The following TG variants were observed in gnomAD, a reference collection of about 807,000 sequenced individuals.
TG encodes thyroglobulin.
Under a neutral mutation model 324.7 loss-of-function variants are expected in TG, and 270 were observed. The ratio of observed to expected loss-of-function variants is 0.83; its 90% CI spans 0.75 to 0.92. TG has a LOEUF of 0.92. Among genes scored for constraint, TG ranks in the 40% least tolerant of loss-of-function variants. The pLI is 0.00. For missense variants in TG, 3,591 were observed against 3,456.4 expected (o/e 1.04, Z -0.98); for synonymous variants, 1,401 against 1,327.0 (o/e 1.06, Z -1.21).
rs555631792 is a variant in TG at position 132,908,034 on chromosome 8, A to G, written c.3848-152A>G. Reference sequence around the variant, plus strand: ...TTCAGAGACAAGCTGTTATGCTGGAAAGTACTTAGACTCAGAATGACAATG... The same window carrying G: ...TTCAGAGACAAGCTGTTATGCTGGAGAGTACTTAGACTCAGAATGACAATG... On this transcript the variant is annotated intron_variant, in intron 17 of 47. Coordinates refer to ENST00000220616, the MANE Select transcript of TG (RefSeq NM_003235.5). 6.7e-4 allele frequency: 584 copies of G among 876,984 alleles called. 1 individual carries two copies. The highest frequency in any genetic ancestry group is 2.1e-3 in the Admixed American group (104 of 48,694). The allele number at this position is 876,984 out of a possible 1,614,324, so 54.3% of individuals were successfully genotyped here.
chr8:132,972,431 C>A, intron 33 of TG, 167 bp from the exon 34 acceptor site: 1 of 747,008 alleles, frequency 1.3e-6, no homozygotes, highest in Non-Finnish European at 2.1e-6. Context: ...TCCTTGAGTT[C>A]AGGTACCAGG....
At chr8:132,872,041 CA>C (rs1260909549) in intron 4 of TG, among the ~76,000 whole-genome samples, 2 of 151,178 alleles carry the variant, frequency 1.3e-5, no homozygotes, top group Non-Finnish European at 3.0e-5. Flanking sequence ...AAAAGTAAAA[CA>C]AAAATTAAAA....
intron 16 of TG, among the ~76,000 whole-genome samples, chr8:132,903,038 G>A (rs1465950247): frequency 6.6e-6 from 1 of 152,202 alleles, no homozygotes; most frequent in African/African-American, 2.4e-5. Flanking sequence ...GTTAGCAGGT[G>A]GAGCAGCCAG....
Position 132,893,902 on chromosome 8 carries a change from T to A in TG, c.2974T>A (p.Tyr992Asn). The change falls in exon 11 of 48, where the codon TAC (tyrosine) becomes AAC (asparagine). Residue 992 changes from tyrosine (Y) to asparagine (N), a missense_variant. Coordinates refer to ENST00000220616, the MANE Select transcript of TG (RefSeq NM_003235.5). ...GGAGCAGTTTCTGCGTGGGAGTGATTACGCCATTCGCCTGGCGGCTCAGTC... is the reference window on the plus strand; with the variant it reads ...GGAGCAGTTTCTGCGTGGGAGTGATAACGCCATTCGCCTGGCGGCTCAGTC... ...FAEQFLRGSD[Y>N]AIRLAAQSTL... The A allele has an allele frequency of 1.9e-6, 3 of 1,614,050 alleles. No homozygotes were observed. Among genetic ancestry groups the A allele is most frequent in the Non-Finnish European group, 1.7e-6 (2 of 1,179,956 alleles).
chr8:132,955,706 G>T (rs994739826), intron 27 of TG, among the ~76,000 whole-genome samples: 1 of 152,194 alleles, frequency 6.6e-6, no homozygotes, highest in Non-Finnish European at 1.5e-5. Context: ...CTGGAGGGCG[G>T]GGCTCCTGGA....
intron 35 of TG, among the ~76,000 whole-genome samples, chr8:133,005,158 C>T (rs1833911320): frequency 1.3e-5 from 2 of 152,146 alleles, no homozygotes; most frequent in South Asian, 4.1e-4. Context: ...GATGTTGCTG[C>T]AATTCAGCAG....
chr8:132,885,757 C>A (rs1815320728), intron 8 of TG, among the ~76,000 whole-genome samples: 1 of 152,176 alleles, frequency 6.6e-6, no homozygotes, highest in African/African-American at 2.4e-5. Flanking sequence ...CCTCCTAGTT[C>A]TGGAGGCCAG....
chr8:133,062,283 C>T (rs1232597171), intron 41 of TG, among the ~76,000 whole-genome samples: 1 of 152,218 alleles, frequency 6.6e-6, no homozygotes, highest in Non-Finnish European at 1.5e-5. Flanking sequence ...AACTTTCTAG[C>T]AGCTGGGCAG....
At chr8:132,901,604 G>A in intron 16 of TG, 51 bp downstream of exon 16, 1 of 1,575,616 alleles carries the variant, frequency 6.3e-7, no homozygotes, top group Non-Finnish European at 8.6e-7. Flanking sequence ...TCTGTTCTTT[G>A]ATCCAGACTG....
Position 132,886,541 on chromosome 8 carries a change from C to G in TG, c.1169C>G (p.Ser390Cys). 1 of 1,614,234 alleles carries G rather than the reference C, an allele frequency of 6.2e-7. No individual in the cohort carries two copies. The highest frequency in any genetic ancestry group is 8.5e-7 in the Non-Finnish European group (1 of 1,180,050). ...SGYFSQHDLF[S>C]SPEKRWASPR... ...TACTTCAGCCAGCACGACCTGTTCT[C>G]TTCCCCAGAGAAAAGATGGGCCTCT... Residue 390 changes from serine to cysteine, a missense_variant, in exon 9 of 48, where the codon TCT becomes TGT. Coordinates refer to ENST00000220616, the MANE Select transcript of TG (RefSeq NM_003235.5).
intron 23 of TG, among the ~76,000 whole-genome samples, chr8:132,931,483 A>G (rs1822715418): frequency 6.6e-6 from 1 of 152,220 alleles, no homozygotes. Flanking sequence ...TGGTGGGGAA[A>G]GGGGAGACTG....
chr8:132,937,972 G>T lies in TG; in HGVS notation c.5041+2108G>T, dbSNP rs146593856. 6.3e-3 allele frequency among the ~76,000 whole-genome samples: 952 copies of T among 152,224 alleles called. 3 individuals are homozygous for T. The highest frequency in any genetic ancestry group is 9.2e-3 in the Non-Finnish European group (626 of 67,996). On this transcript the variant is annotated intron_variant, in intron 25 of 47. Transcript: ENST00000220616. ...AAAGCAGAAGATGTGCCCGGCAGCC[G>T]TTCTAGACCCGGGTGGAGTGGAGGA...
intron 15 of TG, 145 bp from the exon 16 acceptor site, chr8:132,901,208 C>T (rs1264432446): frequency 8.1e-6 from 7 of 860,400 alleles, no homozygotes; most frequent in Admixed American, 3.8e-5. Flanking sequence ...ATTCAACCTC[C>T]TGGTGGGGAG....
intron 41 of TG, among the ~76,000 whole-genome samples, chr8:133,053,006 A>G (rs147995705): frequency 4.9e-4 from 75 of 152,270 alleles, no homozygotes; most frequent in African/African-American, 1.8e-3. Context: ...TTAACATGGC[A>G]CTGTGCTGCC....
chr8:132,963,358 A>G (rs1828042688), intron 29 of TG, among the ~76,000 whole-genome samples: 1 of 152,234 alleles, frequency 6.6e-6, no homozygotes, highest in South Asian at 2.1e-4. Context: ...ACAAAGAGCA[A>G]GGTTCACCTG....
At position 132,933,682 on chromosome 8, in the gene TG, G is replaced by A. The variant is rs560772117; in HGVS notation, c.4932+6G>A. 12 of 1,613,662 alleles carry A rather than the reference G, an allele frequency of 7.4e-6. No individual in the cohort carries two copies. The South Asian group carries it at 1.2e-4, about 16-fold the overall frequency. On this transcript the variant is annotated splice_donor_region_variant and intron_variant, in intron 24 of 47. Coordinates refer to ENST00000220616, the MANE Select transcript of TG (RefSeq NM_003235.5). The stretch of plus-strand genomic sequence containing the variant: ...CCTGCATGACTTCTGACCAGGTGAG[G>A]TGGGGCAGCCACGTGTGGTTCTGCT...
chr8:132,905,569 G>T (rs900733232), intron 16 of TG, among the ~76,000 whole-genome samples: 2 of 152,144 alleles, frequency 1.3e-5, no homozygotes, highest in Non-Finnish European at 2.9e-5. Context: ...AAATTGTCAC[G>T]ATGAGTGTGT....
intron 22 of TG, among the ~76,000 whole-genome samples, chr8:132,927,831 T>G (rs1424923143): frequency 6.6e-6 from 1 of 152,254 alleles, no homozygotes; most frequent in East Asian, 1.9e-4. Context: ...CTGTGATGAT[T>G]ATAACATGGC....
intron 40 of TG, among the ~76,000 whole-genome samples, chr8:133,025,263 G>A (rs1835971206): frequency 6.6e-6 from 1 of 152,236 alleles, no homozygotes; most frequent in African/African-American, 2.4e-5. Flanking sequence ...CAAGCTCAGA[G>A]ACAGGACTGA....
Sources: allele counts gnomAD v4.1 joint callset (sites outside exome capture counted in the v4.1 genomes callset), GRCh38; gene constraint gnomAD v4.1.1; transcripts MANE v1.5; gene names NCBI Gene and HGNC (gene_info 2026-07-23, HGNC 2026-07-21).